The following PRKCA variants were observed in gnomAD, a reference collection of about 807,000 sequenced individuals.
PRKCA encodes protein kinase C alpha, also known as protein kinase C alpha type.
In PRKCA, 27 loss-of-function variants were observed where a neutral mutation model predicts 87.0. The ratio of observed to expected loss-of-function variants is 0.31; its 90% confidence interval spans 0.23 to 0.43. PRKCA has a LOEUF of 0.43. Among genes scored for constraint, PRKCA ranks in the 20% least tolerant of loss-of-function variants. PRKCA has a pLI of 1.00. For missense variants in PRKCA, 518 were observed against 852.3 expected (o/e 0.61, Z 4.88); for synonymous variants, 329 against 311.1 (o/e 1.06, Z -0.61).
intron 2 of PRKCA, among the ~76,000 whole-genome samples, chr17:66,390,230 A>G (rs200044315): frequency 1.3e-4 from 1 of 7,486 alleles, no homozygotes. Flanking sequence ...CTCAAAAAAG[A>G]AAAAAAAAAT....
At chr17:66,462,568 A>G (rs1914899552) in intron 2 of PRKCA, among the ~76,000 whole-genome samples, 1 of 152,190 alleles carries the variant, frequency 6.6e-6, no homozygotes, top group African/African-American at 2.4e-5. Context: ...CTTTCTCAAA[A>G]TAGATAAAAG....
chr17:66,461,081 C>T (rs570324348), intron 2 of PRKCA, among the ~76,000 whole-genome samples: 2 of 151,932 alleles, frequency 1.3e-5, no homozygotes, highest in Non-Finnish European at 2.9e-5. Context: ...TAGTACACGC[C>T]TGTAGTTCCA....
intron 5 of PRKCA, among the ~76,000 whole-genome samples, chr17:66,680,111 G>C (rs10491202): frequency 0.21 from 31,783 of 152,122 alleles, 3,501 homozygotes; most frequent in East Asian, 0.28. Context: ...ATGACATGAA[G>C]TTCTTTTGAC....
chr17:66,605,672 T>A (rs958377712), intron 3 of PRKCA, among the ~76,000 whole-genome samples: 1 of 152,232 alleles, frequency 6.6e-6, no homozygotes, highest in South Asian at 2.1e-4. Flanking sequence ...TCATTCATAG[T>A]AGCCAAATGT....
chr17:66,696,964 T>G (rs1160888494), intron 8 of PRKCA, among the ~76,000 whole-genome samples: 1 of 152,138 alleles, frequency 6.6e-6, no homozygotes, highest in Non-Finnish European at 1.5e-5. Context: ...TTGGCCTGAC[T>G]CCGCCGTAAG....
intron 2 of PRKCA, among the ~76,000 whole-genome samples, chr17:66,401,832 G>A (rs1911053524): frequency 1.3e-5 from 2 of 152,194 alleles, no homozygotes; most frequent in Admixed American, 1.3e-4. Flanking sequence ...AGACACTGAG[G>A]GTGGACAGGA....
intron 3 of PRKCA, among the ~76,000 whole-genome samples, chr17:66,534,746 CAT>C (rs1191294344): frequency 9.2e-5 from 14 of 152,264 alleles, no homozygotes; most frequent in Admixed American, 3.3e-4. Flanking sequence ...AAACTTGTAA[CAT>C]GAGGGAAATG....
intron 5 of PRKCA, among the ~76,000 whole-genome samples, chr17:66,684,303 A>G (rs904920953): frequency 4.6e-5 from 7 of 152,224 alleles, no homozygotes; most frequent in African/African-American, 7.2e-5. Context: ...TGAAGGAGAT[A>G]TAATTTTCCA....
At chr17:66,645,205 A>G (rs1274684679) in intron 4 of PRKCA, among the ~76,000 whole-genome samples, 178 bp from the exon 5 acceptor site, 1 of 152,214 alleles carries the variant, frequency 6.6e-6, no homozygotes, top group Non-Finnish European at 1.5e-5. Context: ...ATTGTCACTC[A>G]CATGAAGCCT....
intron 3 of PRKCA, among the ~76,000 whole-genome samples, chr17:66,529,067 G>T (rs2144256513): frequency 6.6e-6 from 1 of 152,244 alleles, no homozygotes; most frequent in Non-Finnish European, 1.5e-5. Flanking sequence ...TTGTTTTTAA[G>T]CCTCTCTCTG....
intron 3 of PRKCA, among the ~76,000 whole-genome samples, chr17:66,498,502 C>A (rs1916582976): frequency 6.6e-6 from 1 of 152,106 alleles, no homozygotes; most frequent in Non-Finnish European, 1.5e-5. Context: ...CTTTTTCATT[C>A]TTTTGGTTGA....
At chr17:66,738,118 T>A (rs1183167646) in intron 10 of PRKCA, among the ~76,000 whole-genome samples, 1 of 152,234 alleles carries the variant, frequency 6.6e-6, no homozygotes, top group Admixed American at 6.5e-5. Flanking sequence ...CTATGATACA[T>A]GCCCATCATG....
chr17:66,378,115 G>A (rs1387211115), intron 2 of PRKCA, among the ~76,000 whole-genome samples: 1 of 152,066 alleles, frequency 6.6e-6, no homozygotes, highest in South Asian at 2.1e-4. Flanking sequence ...CTGAGGTGAG[G>A]AGTTCGAGAC....
At chr17:66,491,072 G>A (rs1358886821) in intron 2 of PRKCA, among the ~76,000 whole-genome samples, 1 of 152,154 alleles carries the variant, frequency 6.6e-6, no homozygotes, top group Non-Finnish European at 1.5e-5. Context: ...TTGTTATTTG[G>A]CCAAGTCTGT....
At chr17:66,485,935 TAGAACG>T in intron 2 of PRKCA, among the ~76,000 whole-genome samples, 1 of 152,304 alleles carries the variant, frequency 6.6e-6, no homozygotes, top group South Asian at 2.1e-4. Context: ...AACCCTTGTA[TAGAACG>T]TGTTGCAATG....
intron 3 of PRKCA, among the ~76,000 whole-genome samples, chr17:66,552,326 T>C (rs1471174778): frequency 1.4e-4 from 22 of 152,202 alleles, no homozygotes; most frequent in Admixed American, 1.4e-3. Context: ...GTATTTGTTA[T>C]GTATTGCATA....
intron 2 of PRKCA, among the ~76,000 whole-genome samples, chr17:66,471,239 C>T (rs2144015532): frequency 6.6e-6 from 1 of 152,294 alleles, no homozygotes; most frequent in South Asian, 2.1e-4. Flanking sequence ...AGTGATACAT[C>T]ACAAAGAAAG....
At chr17:66,366,290 A>G (rs955040248) in intron 2 of PRKCA, among the ~76,000 whole-genome samples, 1 of 152,236 alleles carries the variant, frequency 6.6e-6, no homozygotes, top group African/African-American at 2.4e-5. Flanking sequence ...AAGTACAAAT[A>G]TAGATTGCTA....
rs150464981 is a variant in PRKCA at position 66,387,459 on chromosome 17, G to T, written c.205+81332G>T. ...AGTTGAGAAGGATCTGGTGTCCTGGGAGAGCTCCTGTCTTCTGGAATTAGT... is the reference window on the plus strand; with the variant it reads ...AGTTGAGAAGGATCTGGTGTCCTGGTAGAGCTCCTGTCTTCTGGAATTAGT... On this transcript the variant is annotated intron_variant, in intron 2 of 16. Transcript: ENST00000413366. Among the ~76,000 whole-genome samples, 542 of 152,288 alleles carry T rather than the reference G, an allele frequency of 3.6e-3. 1 individual carries two copies. Among genetic ancestry groups the T allele is most frequent in the Non-Finnish European group, 6.0e-3 (408 of 68,034 alleles).
Sources: gnomAD v4.1 joint callset for allele counts (sites outside exome capture counted in the v4.1 genomes callset) on GRCh38, gnomAD v4.1.1 for gene constraint, MANE v1.5 for transcripts, NCBI Gene and HGNC (gene_info 2026-07-23, HGNC 2026-07-21) for gene names.